The following TMPRSS11F variants were observed in gnomAD, a reference collection of about 807,000 sequenced individuals.
TMPRSS11F encodes transmembrane serine protease 11F.
In TMPRSS11F, 47 loss-of-function variants were observed where a neutral mutation model predicts 60.2. The ratio of observed to expected loss-of-function variants is 0.78; its 90% CI spans 0.62 to 1.00. The LOEUF (loss-of-function observed/expected upper bound fraction) is 1.00, where lower values mean the gene tolerates loss of function less well. TMPRSS11F is among the 50% of genes least tolerant of loss of function. TMPRSS11F has a pLI of 0.00. For missense variants in TMPRSS11F, 519 were observed against 522.9 expected, an observed-to-expected ratio of 0.99 and a Z score of 0.07; for synonymous variants, 166 against 167.3, an observed-to-expected ratio of 0.99 and a Z score of 0.06.
At chr4:68,099,832 C>A (rs552451609) in intron 1 of TMPRSS11F, among the ~76,000 whole-genome samples, 1 of 152,146 alleles carries the variant, frequency 6.6e-6, no homozygotes, top group African/African-American at 2.4e-5. Flanking sequence ...TAAATGTATA[C>A]AGATTTTAAG....
At chr4:68,119,362 A>T (rs1724581173) in intron 1 of TMPRSS11F, among the ~76,000 whole-genome samples, 1 of 152,172 alleles carries the variant, frequency 6.6e-6, no homozygotes, top group Admixed American at 6.5e-5. Context: ...TATCCAGAAG[A>T]TTACTTAAGA....
chr4:68,099,740 T>A (rs1724151092), intron 1 of TMPRSS11F, among the ~76,000 whole-genome samples: 1 of 152,170 alleles, frequency 6.6e-6, no homozygotes, highest in Non-Finnish European at 1.5e-5. Flanking sequence ...GTGAACTTGT[T>A]TCATTAAATG....
chr4:68,102,397 C>T (rs1338770111), intron 1 of TMPRSS11F, among the ~76,000 whole-genome samples: 4 of 152,136 alleles, frequency 2.6e-5, no homozygotes, highest in African/African-American at 9.7e-5. Context: ...AACCTCCATA[C>T]TGTTTTTAAA....
chr4:68,102,963 T>A (rs1724222147), intron 1 of TMPRSS11F, among the ~76,000 whole-genome samples: 1 of 147,222 alleles, frequency 6.8e-6, no homozygotes, highest in African/African-American at 2.5e-5. Flanking sequence ...TCTATTTAGG[T>A]CTTTTATCCA....
chr4:68,062,465 A>C, intron 8 of TMPRSS11F: 2 of 664,530 alleles, frequency 3.0e-6, no homozygotes, highest in African/African-American at 1.8e-5. Context: ...CAGCTCTTCC[A>C]ATGGCGACTT....
chr4:68,123,985 C>G (rs1028725131), intron 1 of TMPRSS11F, among the ~76,000 whole-genome samples: 3 of 152,088 alleles, frequency 2.0e-5, no homozygotes, highest in Non-Finnish European at 4.4e-5. Context: ...CTCTGGGAGG[C>G]GGAGGCAGGT....
At position 68,059,722 on chromosome 4, in the gene TMPRSS11F, T is replaced by A. The variant is rs1343929918; in HGVS notation, c.1016-254A>T. Among the ~76,000 whole-genome samples, 4 of 152,192 alleles carry A rather than the reference T, an allele frequency of 2.6e-5. No homozygotes were observed. The East Asian group carries it at 5.8e-4, about 22-fold the overall frequency. The stretch of plus-strand genomic sequence containing the variant: ...CTACATGCAAAATACTACATACGCA[T>A]GCATTTTTTCATGAGGAGAGGGTCC... On this transcript the variant is annotated intron_variant, in intron 8 of 9. Coordinates refer to ENST00000356291, the MANE Select transcript of TMPRSS11F (RefSeq NM_207407.2).
chr4:68,081,420 A>G (rs568124018), intron 3 of TMPRSS11F, among the ~76,000 whole-genome samples: 5 of 152,362 alleles, frequency 3.3e-5, no homozygotes, highest in African/African-American at 9.6e-5. Context: ...ATTTATTTTT[A>G]TCTAAACAAA....
chr4:68,121,249 A>G (rs1724620609), intron 1 of TMPRSS11F, among the ~76,000 whole-genome samples: 1 of 152,312 alleles, frequency 6.6e-6, no homozygotes, highest in East Asian at 1.9e-4. Context: ...CCCACATCTA[A>G]CAGCCCATAA....
At chr4:68,055,154 A>C (rs1723018007) in intron 9 of TMPRSS11F, among the ~76,000 whole-genome samples, 1 of 152,196 alleles carries the variant, frequency 6.6e-6, no homozygotes, top group Non-Finnish European at 1.5e-5. Flanking sequence ...GGAGTGTAAG[A>C]GGGGCAAATA....
intron 1 of TMPRSS11F, 56 bp from the exon 2 acceptor site, chr4:68,099,094 T>C: frequency 1.4e-6 from 2 of 1,456,660 alleles, no homozygotes; most frequent in Non-Finnish European, 1.9e-6. Flanking sequence ...TTCAACTTTA[T>C]GTTTACTTAC....
chr4:68,062,804 G>C, intron 8 of TMPRSS11F: 1 of 750,270 alleles, frequency 1.3e-6, no homozygotes, highest in Non-Finnish European at 2.5e-6. Flanking sequence ...CTTGCATTTG[G>C]ACATCTCTTG....
chr4:68,090,945 A>G (rs2109864694), intron 2 of TMPRSS11F, among the ~76,000 whole-genome samples: 1 of 152,326 alleles, frequency 6.6e-6, no homozygotes, highest in South Asian at 2.1e-4. Context: ...GCAATTGCTG[A>G]AAGTCATGTA....
At chr4:68,064,642 C>G (rs1057353529) in intron 8 of TMPRSS11F, 43 bp downstream of exon 8, 13 of 1,594,350 alleles carry the variant, frequency 8.2e-6, no homozygotes, top group Admixed American at 1.7e-5. Flanking sequence ...CGTTTGATCT[C>G]AAGACATTCT....
At chr4:68,081,132 C>T (rs1723689275) in intron 3 of TMPRSS11F, among the ~76,000 whole-genome samples, 1 of 151,966 alleles carries the variant, frequency 6.6e-6, no homozygotes, top group African/African-American at 2.4e-5. Context: ...TATAAAGAGC[C>T]CAGTAAAGAT....
chr4:68,072,385 T>C lies in TMPRSS11F; in HGVS notation c.452A>G (p.Tyr151Cys), dbSNP rs1216632047. 6.2e-7 allele frequency: 1 copy of C among 1,603,406 alleles called. No individual in the cohort carries two copies. Among genetic ancestry groups the C allele is most frequent in the Non-Finnish European group, 8.5e-7 (1 of 1,173,870 alleles). Residue 151 changes from tyrosine (Y) to cysteine (C), a missense_variant, in exon 5 of 10, where the codon TAT becomes TGT. Physicochemically the swap from Tyr to Cys is radical, Grantham distance 194 (BLOSUM62 -2). Coordinates refer to ENST00000356291, the MANE Select transcript of TMPRSS11F (RefSeq NM_207407.2). Reference sequence around the variant, plus strand: ...CAATTGTTTGGTCTTCAAACTTTGATATAAAGCCTTTTCAATTTTTTTCTT... The same window carrying C: ...CAATTGTTTGGTCTTCAAACTTTGACATAAAGCCTTTTCAATTTTTTTCTT... ...QIKKKIEKAL[Y>C]QSLKTKQLSL...
At chr4:68,105,535 T>C (rs1724288352) in intron 1 of TMPRSS11F, among the ~76,000 whole-genome samples, 1 of 152,210 alleles carries the variant, frequency 6.6e-6, no homozygotes, top group Non-Finnish European at 1.5e-5. Context: ...TTCATGGCTT[T>C]GTCAGACCCA....
chr4:68,088,685 C>T (rs1000641408), intron 3 of TMPRSS11F, among the ~76,000 whole-genome samples: 3 of 152,216 alleles, frequency 2.0e-5, no homozygotes, highest in Non-Finnish European at 2.9e-5. Flanking sequence ...GAAATTATAA[C>T]AAACTATCTC....
intron 9 of TMPRSS11F, among the ~76,000 whole-genome samples, chr4:68,056,430 CA>C (rs1194059648): frequency 0.015 from 1,348 of 87,148 alleles, 11 homozygotes; most frequent in African/African-American, 0.031. Flanking sequence ...ACAATAGCAA[CA>C]AAAAAAAAAT....
Sources: allele counts gnomAD v4.1 joint callset (sites outside exome capture counted in the v4.1 genomes callset), GRCh38; gene constraint gnomAD v4.1.1; transcripts MANE v1.5; gene names NCBI Gene and HGNC (gene_info 2026-07-23, HGNC 2026-07-21).